DRC1: variants seen among roughly 807,000 people sequenced by gnomAD.
DRC1 encodes the protein dynein regulatory complex protein 1.
DRC1 carries 74 observed loss-of-function variants against 98.7 expected under a neutral mutation model. The observed-to-expected ratio is 0.75, with a 90% CI of 0.62 to 0.91. The LOEUF is 0.91. Among genes scored for constraint, DRC1 ranks in the 40% least tolerant of loss-of-function variants. The pLI is 0.00. For missense variants in DRC1, 875 were observed against 886.0 expected (o/e 0.99, Z 0.16); for synonymous variants, 336 against 334.1 (o/e 1.01, Z -0.06).
At chr2:26,420,021 A>G (rs1218407860) in intron 2 of DRC1, among the ~76,000 whole-genome samples, 1 of 152,192 alleles carries the variant, frequency 6.6e-6, no homozygotes, top group Admixed American at 6.5e-5. Flanking sequence ...AGTTCCGAGT[A>G]TAAGTAGTCC....
At chr2:26,404,426 A>G (rs1678354203) in intron 1 of DRC1, among the ~76,000 whole-genome samples, 1 of 152,192 alleles carries the variant, frequency 6.6e-6, no homozygotes, top group Non-Finnish European at 1.5e-5. Flanking sequence ...ACTGTGCCTG[A>G]GGCTGTACAA....
intron 1 of DRC1, among the ~76,000 whole-genome samples, chr2:26,404,299 G>C (rs1479584066): frequency 1.3e-5 from 2 of 152,210 alleles, no homozygotes; most frequent in Non-Finnish European, 1.5e-5. Context: ...GGTCCTGTGA[G>C]TGTGACCGAC....
chr2:26,410,019 G>A lies in DRC1; in HGVS notation c.156-4325G>A, dbSNP rs563897036. Among the ~76,000 whole-genome samples the A allele has an allele frequency of 5.3e-5, 8 of 151,418 alleles. No homozygotes were observed. The East Asian group carries it at 1.5e-3, about 29-fold the overall frequency. ...TCAGAGAGAGTTTTGAAGTCTTTGG[G>A]GGAAAAAGAGGGAAAAAAAAGATCC... On this transcript the variant is annotated intron_variant, in intron 1 of 16. Transcript: ENST00000288710.
At position 26,450,608 on chromosome 2, in the gene DRC1, G is replaced by A. The variant is rs749262489; in HGVS notation, c.1616G>A (p.Ser539Asn). 28 of 1,612,016 alleles carry A rather than the reference G, an allele frequency of 1.7e-5. No homozygotes were observed. The highest frequency in any genetic ancestry group is 2.3e-5 in the Non-Finnish European group (27 of 1,178,954). ...TCGCCCCAGGCCCTTGGAATTGAAA[G>A]TGAGGATGACTTGTATAAACTGGTG... ...DAIFSALGIE[S>N]EDDLYKLVNF... The change falls in exon 13 of 17, where the codon AGT (serine) becomes AAT (asparagine). Residue 539 changes from serine (S) to asparagine (N), a missense_variant. Physicochemically the swap from Ser to Asn is conservative, Grantham distance 46. Transcript: ENST00000288710.
rs1359622970 is a variant in DRC1 at position 26,454,641 on chromosome 2, C to A, written c.1920-6C>A. ...ACATGACAATCACTGTGCTCTTGGCCTTCAGGGACTCGCGGGCCCCGCTGA... is the reference window on the plus strand; with the variant it reads ...ACATGACAATCACTGTGCTCTTGGCATTCAGGGACTCGCGGGCCCCGCTGA... On this transcript the variant is annotated splice_polypyrimidine_tract_variant and splice_region_variant and intron_variant, in intron 14 of 16. Transcript: ENST00000288710. The surrounding 1 kb of genome is among the most constrained non-coding windows in gnomAD (Gnocchi z 5.2). The A allele has an allele frequency of 1.2e-6, 2 of 1,613,982 alleles. No individual in the cohort carries two copies. Among genetic ancestry groups the A allele is most frequent in the Non-Finnish European group, 1.7e-6 (2 of 1,179,946 alleles).
At chr2:26,414,742 T>G (rs1284312210) in intron 2 of DRC1, among the ~76,000 whole-genome samples, 1 of 152,140 alleles carries the variant, frequency 6.6e-6, no homozygotes, top group Non-Finnish European at 1.5e-5. Context: ...TCCAAACATA[T>G]CTCCTGTTTG....
chr2:26,448,635 A>G, intron 10 of DRC1, 56 bp from the exon 11 acceptor site: 1 of 1,567,496 alleles, frequency 6.4e-7, no homozygotes, highest in Non-Finnish European at 8.8e-7. Flanking sequence ...AGAGTCAACT[A>G]GCTCCAGAAA....
intron 8 of DRC1, among the ~76,000 whole-genome samples, chr2:26,442,953 C>T (rs1663755844): frequency 6.6e-6 from 1 of 152,174 alleles, no homozygotes; most frequent in Non-Finnish European, 1.5e-5. Context: ...CATAGGAACT[C>T]CTTTACTGCA....
intron 1 of DRC1, 138 bp downstream of exon 1, chr2:26,402,282 C>G: frequency 7.4e-7 from 1 of 1,344,234 alleles, no homozygotes; most frequent in Non-Finnish European, 9.8e-7. Context: ...GGTGCCGTGG[C>G]GCGCGCCTGT....
Position 26,454,602 on chromosome 2 carries a change from G to A in DRC1, c.1920-45G>A, listed in dbSNP as rs1212874980. The stretch of plus-strand genomic sequence containing the variant: ...TGACTGGCACTGCCTGGGGGCCTGG[G>A]TAGTACCCAATGGACATGACAATCA... On this transcript the variant is annotated intron_variant, in intron 14 of 16. Coordinates refer to ENST00000288710, the MANE Select transcript of DRC1 (RefSeq NM_145038.5). This position sits in a 1 kb window ranked among gnomAD's most constrained non-coding sequence, Gnocchi z 5.2. 1.2e-6 allele frequency: 2 copies of A among 1,609,006 alleles called. No individual in the cohort carries two copies. The highest frequency in any genetic ancestry group is 1.3e-5 in the African/African-American group (1 of 75,014).
chr2:26,424,275 G>C lies in DRC1; in HGVS notation c.361G>C (p.Glu121Gln). 1 of 1,613,958 alleles carries C rather than the reference G, an allele frequency of 6.2e-7. No homozygotes were observed. Among genetic ancestry groups the C allele is most frequent in the Non-Finnish European group, 8.5e-7 (1 of 1,179,990 alleles). The change falls in exon 4 of 17, where the codon GAG (glutamate) becomes CAG (glutamine). Residue 121 changes from glutamate to glutamine, a missense_variant. Physicochemically the swap from Glu to Gln is conservative, Grantham distance 29. Transcript: ENST00000288710. ...CTGGCATGTATGTATTTGCAGGATT[G>C]AGAAGCTGGAGAATGAAGTTAAGAC... is the stretch of plus-strand genomic sequence containing the variant. ...EEEEIKRQRI[E>Q]KLENEVKTSQ...
At position 26,402,084 on chromosome 2, in the gene DRC1, C is replaced by T. The variant is rs759839294; in HGVS notation, c.95C>T (p.Ser32Phe). The change falls in exon 1 of 17, where the codon TCT (serine) becomes TTT (phenylalanine). Residue 32 changes from serine to phenylalanine, a missense_variant. Transcript: ENST00000288710. The part of the protein sequence containing the change: ...ILAPSVHSDN[S>F]QERIQARRLR... ...GCGCCCTCGGTCCACTCCGACAACT[C>T]TCAGGAGCGCATCCAGGCCCGGCGC... The T allele has an allele frequency of 6.2e-7, 1 of 1,613,194 alleles. No homozygotes were observed. The highest frequency in any genetic ancestry group is 1.1e-5 in the South Asian group (1 of 91,072).
At chr2:26,413,154 G>T (rs1678674608) in intron 1 of DRC1, among the ~76,000 whole-genome samples, 1 of 152,162 alleles carries the variant, frequency 6.6e-6, no homozygotes, top group African/African-American at 2.4e-5. Context: ...TTACTTAACT[G>T]CTGTGGACAT....
intron 1 of DRC1, among the ~76,000 whole-genome samples, chr2:26,408,927 A>ATTAT (rs1420303822): frequency 1.3e-5 from 2 of 151,936 alleles, no homozygotes; most frequent in Non-Finnish European, 2.9e-5. Flanking sequence ...ATTTATTTTT[A>ATTAT]TTATTTATTT....
chr2:26,421,948 C>A (rs985053688), intron 3 of DRC1, among the ~76,000 whole-genome samples: 2 of 152,160 alleles, frequency 1.3e-5, no homozygotes. Flanking sequence ...TGAAACACGG[C>A]CTCTGTTTGT....
intron 4 of DRC1, 54 bp downstream of exon 4, chr2:26,424,508 C>A: frequency 6.5e-7 from 1 of 1,528,422 alleles, no homozygotes; most frequent in South Asian, 1.2e-5. Context: ...TGGGATTTAG[C>A]TGGGTTACTG....
At chr2:26,432,277 G>A (rs549846114) in intron 7 of DRC1, among the ~76,000 whole-genome samples, 4 of 152,190 alleles carry the variant, frequency 2.6e-5, no homozygotes, top group African/African-American at 4.8e-5. Flanking sequence ...CATGAGGATC[G>A]CTTGAGCCCC....
rs746746916 is a variant in DRC1 at position 26,450,662 on chromosome 2, G to T, written c.1670G>T (p.Arg557Leu). Residue 557 changes from arginine (R) to leucine (L), a missense_variant, in exon 13 of 17, where the codon CGT (arginine) becomes CTT (leucine). Coordinates refer to ENST00000288710, the MANE Select transcript of DRC1 (RefSeq NM_145038.5). ...TTCTTCCTTAAATATCGAGCTCACCGTTTATCTTCCAGCCTCCAGGTAAGG... is the reference window on the plus strand; with the variant it reads ...TTCTTCCTTAAATATCGAGCTCACCTTTTATCTTCCAGCCTCCAGGTAAGG... ...VNFFLKYRAH[R>L]LSSSLQIKPC... 6.2e-7 allele frequency: 1 copy of T among 1,611,628 alleles called. No individual in the cohort carries two copies. Among genetic ancestry groups the T allele is most frequent in the Non-Finnish European group, 8.5e-7 (1 of 1,178,550 alleles).
intron 3 of DRC1, among the ~76,000 whole-genome samples, chr2:26,423,422 A>G (rs1663200633): frequency 6.6e-6 from 1 of 152,142 alleles, no homozygotes; most frequent in Non-Finnish European, 1.5e-5. Context: ...AGGTGCTCTC[A>G]TAGGATTAGT....
Sources: gnomAD v4.1 joint callset for allele counts (sites outside exome capture counted in the v4.1 genomes callset) on GRCh38, gnomAD v4.1.1 for gene constraint, Gnocchi (gnomAD v3.1) non-coding constraint, MANE v1.5 for transcripts, NCBI Gene and HGNC (gene_info 2026-07-23, HGNC 2026-07-21) for gene names.